The following AAMDC variants were observed in gnomAD, a reference collection of about 807,000 sequenced individuals.
AAMDC encodes the protein mth938 domain-containing protein.
AAMDC carries 16 observed loss-of-function variants against 15.5 expected under a neutral mutation model. The ratio of observed to expected loss-of-function variants is 1.03; its 90% CI spans 0.70 to 1.57. AAMDC has a LOEUF of 1.57. Among genes scored for constraint, AAMDC ranks in the 40% most tolerant of loss-of-function variants. The pLI, the probability that AAMDC is intolerant of heterozygous loss-of-function variation, is 0.00. For missense variants in AAMDC, 141 were observed against 144.9 expected (o/e 0.97, Z 0.14); for synonymous variants, 51 against 51.6 (o/e 0.99, Z 0.05).
At chr11:77,849,217 A>T (rs1023510337) in intron 2 of AAMDC, among the ~76,000 whole-genome samples, 4 of 150,372 alleles carry the variant, frequency 2.7e-5, no homozygotes, top group East Asian at 3.9e-4. Context: ...TTTATTTTTT[A>T]TTTTTATTTT....
downstream of AAMDC, among the ~76,000 whole-genome samples, chr11:77,902,232 C>T (rs1952800624): frequency 6.6e-6 from 1 of 152,026 alleles, no homozygotes; most frequent in Non-Finnish European, 1.5e-5. Context: ...TTTCTGTAAA[C>T]AGGGAAGAAA....
intron 5 of AAMDC, among the ~76,000 whole-genome samples, chr11:77,897,056 T>C (rs1212581886): frequency 1.3e-5 from 2 of 152,000 alleles, no homozygotes; most frequent in African/African-American, 2.4e-5. Flanking sequence ...TATGAACCTA[T>C]TCTGGTGTGG....
At chr11:77,872,591 T>C (rs1951480707), downstream of AAMDC, among the ~76,000 whole-genome samples, 1 of 152,214 alleles carries the variant, frequency 6.6e-6, no homozygotes, top group East Asian at 1.9e-4. Flanking sequence ...AGTTGGGTTC[T>C]AGACAGGCTG....
intron 5 of AAMDC, among the ~76,000 whole-genome samples, chr11:77,893,891 T>TTAAA (rs56269909): frequency 0.028 from 3,841 of 137,860 alleles, 88 homozygotes; most frequent in Non-Finnish European, 0.029. Context: ...AGACTCTGTC[T>TTAAA]TAAATAAATA....
At chr11:77,848,512 C>G (rs1309742583) in intron 2 of AAMDC, among the ~76,000 whole-genome samples, 2 of 152,082 alleles carry the variant, frequency 1.3e-5, no homozygotes, top group African/African-American at 4.8e-5. Flanking sequence ...CACCCACCAC[C>G]TCACTTGGCT....
At chr11:77,825,830 T>A (rs1433898578) in intron 1 of AAMDC, among the ~76,000 whole-genome samples, 1 of 152,104 alleles carries the variant, frequency 6.6e-6, no homozygotes, top group Non-Finnish European at 1.5e-5. Flanking sequence ...TAGCTGGGAT[T>A]ACAGGCAAGT....
At chr11:77,834,992 TAAC>T (rs1179778224) in intron 1 of AAMDC, among the ~76,000 whole-genome samples, 1 of 152,264 alleles carries the variant, frequency 6.6e-6, no homozygotes, top group African/African-American at 2.4e-5. Flanking sequence ...ATAAAAAAAG[TAAC>T]AACAAAAATC....
rs11606978 is a variant in AAMDC, at chr11:77,832,951, A to G, written c.-18-9528A>G. The stretch of plus-strand genomic sequence containing the variant: ...ATTGTGCACTTTATTGTATATATAT[A>G]TGTGTGTGTGTGTGTGTGTGTGTGT... On this transcript the variant is annotated intron_variant, in intron 1 of 3. Coordinates refer to ENST00000393427, the MANE Select transcript of AAMDC (RefSeq NM_024684.4). 8.5e-3 allele frequency among the ~76,000 whole-genome samples: 578 copies of G among 68,344 alleles called. 11 individuals carry two copies. The highest frequency in any genetic ancestry group is 0.019 in the Middle Eastern group (2 of 108). The allele number at this position is 68,344 out of a possible 152,430, so 44.8% of individuals were successfully genotyped here. A position where few individuals can be genotyped will look rare whatever the true frequency, so the allele number is the denominator to read the frequency against.
At chr11:77,821,852 GC>G (rs1948919994) in intron 1 of AAMDC, among the ~76,000 whole-genome samples, 1 of 152,136 alleles carries the variant, frequency 6.6e-6, no homozygotes, top group Admixed American at 6.5e-5. Context: ...TTTGGATTCA[GC>G]CAGGCCTGAG....
downstream of AAMDC, among the ~76,000 whole-genome samples, chr11:77,902,471 T>C (rs1246646987): frequency 1.3e-5 from 2 of 152,196 alleles, no homozygotes; most frequent in African/African-American, 4.8e-5. Flanking sequence ...AGACAAGAGT[T>C]CAGCACTGTA....
In AAMDC at chr11:77,872,343, TA is replaced by T. The variant is rs1175270158; in HGVS notation, c.*30del. 2 of 1,595,784 alleles carry T rather than the reference TA, an allele frequency of 1.3e-6. No individual in the cohort carries two copies. The highest frequency in any genetic ancestry group is 2.7e-5 in the African/African-American group (2 of 74,352). ...GAGCCTTAAGAGGAGAATAAATCAC[TA>T]AGTGCCTATGCCTGTGACTGTCACT... On this transcript the variant is annotated 3_prime_UTR_variant, in exon 4 of 4. Transcript: ENST00000393427.
chr11:77,837,600 T>G (rs1949744665), intron 1 of AAMDC, among the ~76,000 whole-genome samples: 1 of 151,868 alleles, frequency 6.6e-6, no homozygotes, highest in Non-Finnish European at 1.5e-5. Flanking sequence ...TACGCCCGGC[T>G]AATTTTTGTA....
chr11:77,886,858 T>TA (rs1223807385), intron 5 of AAMDC, among the ~76,000 whole-genome samples: 1 of 151,932 alleles, frequency 6.6e-6, no homozygotes, highest in African/African-American at 2.4e-5. Context: ...ACTGGGTACA[T>TA]AACGAAATGA....
At chr11:77,853,495 G>C (rs1176856751) in intron 2 of AAMDC, among the ~76,000 whole-genome samples, 1 of 152,048 alleles carries the variant, frequency 6.6e-6, no homozygotes, top group Non-Finnish European at 1.5e-5. Flanking sequence ...AACAGCAAGG[G>C]GGATATTGGC....
chr11:77,881,720 A>G (rs1951799492), intron 5 of AAMDC, among the ~76,000 whole-genome samples: 1 of 152,242 alleles, frequency 6.6e-6, no homozygotes, highest in African/African-American at 2.4e-5. Flanking sequence ...ATGGAGATAC[A>G]GAGGCAAAGA....
At chr11:77,885,320 T>C (rs1296313010) in intron 5 of AAMDC, among the ~76,000 whole-genome samples, 2 of 151,892 alleles carry the variant, frequency 1.3e-5, no homozygotes, top group African/African-American at 4.8e-5. Context: ...CAGGTGATCT[T>C]CCTACTTCAG....
chr11:77,894,541 C>T (rs753102459), intron 5 of AAMDC, among the ~76,000 whole-genome samples: 16 of 152,158 alleles, frequency 1.1e-4, no homozygotes, highest in Non-Finnish European at 1.8e-4. Flanking sequence ...CCTGATTAAA[C>T]CACTGCAGTG....
chr11:77,874,765 G>A (rs1054058041), downstream of AAMDC, among the ~76,000 whole-genome samples: 6 of 152,116 alleles, frequency 3.9e-5, no homozygotes, highest in African/African-American at 9.7e-5. Context: ...GGCCGGGTGC[G>A]GTGGCTCACG....
At chr11:77,830,484 C>G (rs1037041111) in intron 1 of AAMDC, among the ~76,000 whole-genome samples, 2 of 126,442 alleles carry the variant, frequency 1.6e-5, no homozygotes, top group African/African-American at 5.9e-5. Context: ...ACCCACCCCC[C>G]ACCCACCTCC....
Sources: allele counts gnomAD v4.1 joint callset (sites outside exome capture counted in the v4.1 genomes callset), GRCh38; gene constraint gnomAD v4.1.1; transcripts MANE v1.5; gene names NCBI Gene and HGNC (gene_info 2026-07-23, HGNC 2026-07-21).